The following TFAP4 variants were observed in gnomAD, a reference collection of about 807,000 sequenced individuals.
The protein encoded by TFAP4 is activating enhancer-binding protein 4.
A neutral mutation model predicts 40.4 loss-of-function variants in TFAP4; 7 were observed. The observed-to-expected ratio is 0.17, with a 90% confidence interval of 0.10 to 0.33. The LOEUF (loss-of-function observed/expected upper bound fraction) is 0.33. Ranked by LOEUF, TFAP4 falls within the 10% of genes least tolerant of loss-of-function variation. TFAP4 has a pLI of 1.00. For missense variants in TFAP4, 374 were observed against 451.1 expected (o/e 0.83, Z 1.55); for synonymous variants, 218 against 181.4 (o/e 1.20, Z -1.62).
intron 1 of TFAP4, chr16:4,264,883 G>T (rs2052978819): frequency 6.6e-6 from 1 of 152,246 alleles, no homozygotes; most frequent in Non-Finnish European, 1.5e-5. Context: ...ACAACACAAG[G>T]TAAGTGCAAT....
chr16:4,259,938 A>T, intron 6 of TFAP4, 152 bp downstream of exon 6: 1 of 1,008,230 alleles, frequency 9.9e-7, no homozygotes, highest in South Asian at 1.8e-5. Flanking sequence ...TTGCAGATCC[A>T]GGGACGGGGC....
chr16:4,258,455 C>T (rs2052917358), intron 6 of TFAP4: 1 of 539,082 alleles, frequency 1.9e-6, no homozygotes, highest in Admixed American at 3.5e-5. Flanking sequence ...GCTATATCAC[C>T]CAGGCTAGAG....
intron 6 of TFAP4, among the ~76,000 whole-genome samples, chr16:4,259,173 A>C (rs190468679): frequency 7.9e-5 from 12 of 151,930 alleles, no homozygotes; most frequent in Non-Finnish European, 1.3e-4. Context: ...TCACCGTGTC[A>C]CCCAGGCTGG....
At chr16:4,269,275 C>A (rs2053021587) in intron 1 of TFAP4, among the ~76,000 whole-genome samples, 1 of 150,744 alleles carries the variant, frequency 6.6e-6, no homozygotes, top group Non-Finnish European at 1.5e-5. Flanking sequence ...GGGCAGATCA[C>A]GAGGTCAGGA....
At chr16:4,272,008 C>CGCGG (rs1386484782) in intron 1 of TFAP4, among the ~76,000 whole-genome samples, 2 of 151,716 alleles carry the variant, frequency 1.3e-5, no homozygotes, top group Admixed American at 6.6e-5. Flanking sequence ...AGCGCCCGGG[C>CGCGG]GCGGGCGGGC....
In TFAP4 at chr16:4,260,465, AGCT is replaced by A; in HGVS notation, c.653_655del (p.Gln218del). On this transcript the variant is annotated inframe_deletion, in exon 5 of 7. Coordinates refer to ENST00000204517, the MANE Select transcript of TFAP4 (RefSeq NM_003223.3). ...GCGCCTCCTGCTCACCTGGGTCCGC[AGCT>A]GCTGCTGTTCCCGCTCCAGCTTCTC... The A allele has an allele frequency of 6.3e-7, 1 of 1,592,700 alleles. No individual in the cohort carries two copies. Among genetic ancestry groups the A allele is most frequent in the Non-Finnish European group, 8.5e-7 (1 of 1,170,096 alleles).
intron 4 of TFAP4, 84 bp downstream of exon 4, chr16:4,261,695 C>G (rs1280985990): frequency 3.5e-6 from 5 of 1,416,100 alleles, no homozygotes; most frequent in African/African-American, 2.9e-5. Context: ...AGGGCTCCAC[C>G]GAGGGCCGCA....
intron 6 of TFAP4, among the ~76,000 whole-genome samples, chr16:4,259,220 A>T (rs1309081084): frequency 6.6e-6 from 1 of 151,578 alleles, no homozygotes; most frequent in Non-Finnish European, 1.5e-5. Context: ...TGCAACTTCC[A>T]CCTCCCATGT....
intron 1 of TFAP4, among the ~76,000 whole-genome samples, chr16:4,269,084 T>G (rs1171552219): frequency 6.7e-6 from 1 of 149,798 alleles, no homozygotes; most frequent in Non-Finnish European, 1.5e-5. Context: ...GGTGGGGTCT[T>G]GCTATGTTGC....
rs1184010450 is a variant in TFAP4 at position 4,257,906 on chromosome 16, GATTT to G, written c.*145_*148del. ...GGTTGAGTGGCTTCGTTCAAAGGTC[GATTT>G]ACAGTATTGAAAAAGAGGTCATAAA... On this transcript the variant is annotated 3_prime_UTR_variant, in exon 7 of 7. Coordinates refer to ENST00000204517, the MANE Select transcript of TFAP4 (RefSeq NM_003223.3). 6 of 794,870 alleles carry G rather than the reference GATTT, an allele frequency of 7.5e-6. No homozygotes were observed. Among genetic ancestry groups the G allele is most frequent in the Non-Finnish European group, 1.2e-5 (6 of 516,776 alleles). The allele number at this position is 794,870 out of a possible 1,614,324, so 49.2% of individuals were successfully genotyped here.
rs1380874838 is a variant in TFAP4 at position 4,257,213 on chromosome 16, G to A, written c.*842C>T. On this transcript the variant is annotated 3_prime_UTR_variant, in exon 7 of 7. Transcript: ENST00000204517. ...AAAAACAAAGTACAAACTTTATTTT[G>A]TTTCTTTACAAAGGCACGGTGGCCT... 1 of 147,770 alleles carries A rather than the reference G, an allele frequency of 6.8e-6. No homozygotes were observed. Among genetic ancestry groups the A allele is most frequent in the Admixed American group, 6.9e-5 (1 of 14,434 alleles). 9.2% of individuals were successfully genotyped at this position (147,770 alleles called of 1,614,324 possible). A position where few individuals can be genotyped will look rare whatever the true frequency, so the allele number is the denominator to read the frequency against.
At chr16:4,269,344 T>G (rs1468451752) in intron 1 of TFAP4, among the ~76,000 whole-genome samples, 3 of 150,842 alleles carry the variant, frequency 2.0e-5, no homozygotes, top group African/African-American at 7.3e-5. Flanking sequence ...ATACAAAAAA[T>G]TAGCCGGGCG....
chr16:4,268,453 C>T (rs1597315538), intron 1 of TFAP4, among the ~76,000 whole-genome samples: 1 of 152,136 alleles, frequency 6.6e-6, no homozygotes, highest in South Asian at 2.1e-4. Context: ...ACATCCTGTT[C>T]ATGGCTGTAT....
At chr16:4,258,374 G>T in intron 6 of TFAP4, 125 bp from the exon 7 acceptor site, 1 of 941,094 alleles carries the variant, frequency 1.1e-6, no homozygotes, top group Non-Finnish European at 1.6e-6. Context: ...GCCTGGCAAA[G>T]CAGCAGGGGA....
intron 4 of TFAP4, 47 bp downstream of exon 4, chr16:4,261,732 A>G: frequency 6.6e-7 from 1 of 1,520,026 alleles, no homozygotes; most frequent in Non-Finnish European, 8.8e-7. Flanking sequence ...CCCAGGCTCC[A>G]CGCCCTCTGC....
At position 4,260,470 on chromosome 16, in the gene TFAP4, C is replaced by T; in HGVS notation, c.651G>A (p.Gln217=). Residue 217 remains glutamine, a synonymous_variant, in exon 5 of 7, where the codon CAG becomes CAA. Transcript: ENST00000204517. ...LHQEKLEREQ[Q]QLRTQLLPPP... Reference sequence around the variant, plus strand: ...TCCTGCTCACCTGGGTCCGCAGCTGCTGCTGTTCCCGCTCCAGCTTCTCCT... The same window carrying T: ...TCCTGCTCACCTGGGTCCGCAGCTGTTGCTGTTCCCGCTCCAGCTTCTCCT... 1 of 1,597,200 alleles carries T rather than the reference C, an allele frequency of 6.3e-7. No homozygotes were observed. Among genetic ancestry groups the T allele is most frequent in the Non-Finnish European group, 8.5e-7 (1 of 1,171,986 alleles).
At chr16:4,267,510 C>T (rs2053007052) in intron 1 of TFAP4, among the ~76,000 whole-genome samples, 1 of 152,258 alleles carries the variant, frequency 6.6e-6, no homozygotes, top group Admixed American at 6.5e-5. Context: ...ACAGAATCTG[C>T]TGAGACTGAC....
Position 4,260,452 on chromosome 16 carries a change from C to T in TFAP4, c.666+3G>A. 1 of 1,578,796 alleles carries T rather than the reference C, an allele frequency of 6.3e-7. No individual in the cohort carries two copies. The highest frequency in any genetic ancestry group is 8.6e-7 in the Non-Finnish European group (1 of 1,162,754). Reference sequence around the variant, plus strand: ...AGCCCACTCCCGGGCGCCTCCTGCTCACCTGGGTCCGCAGCTGCTGCTGTT... The same window carrying T: ...AGCCCACTCCCGGGCGCCTCCTGCTTACCTGGGTCCGCAGCTGCTGCTGTT... On this transcript the variant is annotated splice_donor_region_variant and intron_variant, in intron 5 of 6. Transcript: ENST00000204517.
intron 1 of TFAP4, chr16:4,263,477 C>T (rs560301552): frequency 1.9e-4 from 29 of 152,358 alleles, no homozygotes; most frequent in African/African-American, 6.5e-4. Context: ...GCTTTGCCAC[C>T]CCAGGACTGA....
Sources: allele counts gnomAD v4.1 joint callset (sites outside exome capture counted in the v4.1 genomes callset), GRCh38; gene constraint gnomAD v4.1.1; transcripts MANE v1.5; gene names NCBI Gene and HGNC (gene_info 2026-07-23, HGNC 2026-07-21).